GFRA2: variants seen among roughly 807,000 people sequenced by gnomAD.
GFRA2 encodes GDNF family receptor alpha 2.
GFRA2 carries 17 observed loss-of-function variants against 48.3 expected under a neutral mutation model. The ratio of observed to expected loss-of-function variants is 0.35; its 90% confidence interval spans 0.24 to 0.53. GFRA2 has a LOEUF of 0.53. Among genes scored for constraint, GFRA2 ranks in the 20% least tolerant of loss-of-function variants. GFRA2 has a pLI of 0.93. For synonymous variants in GFRA2, 305 were observed against 257.2 expected (o/e 1.19, Z -1.78); for missense variants, 660 against 637.3 (o/e 1.04, Z -0.38).
chr8:21,774,193 C>T (rs1806576888), intron 3 of GFRA2, among the ~76,000 whole-genome samples: 1 of 151,848 alleles, frequency 6.6e-6, no homozygotes, highest in Non-Finnish European at 1.5e-5. Flanking sequence ...ACCCCCTCCC[C>T]AGTGCCCAGG....
At chr8:21,784,610 C>G (rs1807178485) in intron 1 of GFRA2, among the ~76,000 whole-genome samples, 1 of 152,146 alleles carries the variant, frequency 6.6e-6, no homozygotes, top group African/African-American at 2.4e-5. Flanking sequence ...GTGGGACCAG[C>G]CAGGAGACCC....
At chr8:21,718,881 G>A (rs762808242) in intron 4 of GFRA2, among the ~76,000 whole-genome samples, 3 of 152,030 alleles carry the variant, frequency 2.0e-5, no homozygotes, top group African/African-American at 7.3e-5. Flanking sequence ...CCCTTCTGCC[G>A]TGCTCTCCCC....
intron 4 of GFRA2, among the ~76,000 whole-genome samples, chr8:21,734,943 T>G (rs1271938669): frequency 6.6e-6 from 1 of 152,248 alleles, no homozygotes; most frequent in Non-Finnish European, 1.5e-5. Context: ...CTCTGCTCAC[T>G]GAGAACAGAA....
chr8:21,727,772 C>T (rs994039146), intron 4 of GFRA2, among the ~76,000 whole-genome samples: 4 of 152,318 alleles, frequency 2.6e-5, no homozygotes, highest in Non-Finnish European at 5.9e-5. Flanking sequence ...CTTACCACCG[C>T]GGTCTCTCCG....
intron 4 of GFRA2, among the ~76,000 whole-genome samples, chr8:21,718,178 G>T (rs113923219): frequency 0.053 from 8,092 of 152,212 alleles, 647 homozygotes; most frequent in African/African-American, 0.18. Context: ...AATCATGGAG[G>T]CAGGTCTTTC....
chr8:21,807,458 G>GT (rs1365319298), intron 1 of GFRA2, among the ~76,000 whole-genome samples: 1 of 152,190 alleles, frequency 6.6e-6, no homozygotes, highest in Admixed American at 6.5e-5. Context: ...GCGGTATTCT[G>GT]TTATAGCAGC....
chr8:21,720,973 G>A (rs1174069774), intron 4 of GFRA2, among the ~76,000 whole-genome samples: 1 of 150,400 alleles, frequency 6.6e-6, no homozygotes, highest in Non-Finnish European at 1.5e-5. Context: ...CCACCGGATG[G>A]AGGGAGGAAG....
chr8:21,731,651 G>A (rs962728782), intron 4 of GFRA2, among the ~76,000 whole-genome samples: 11 of 152,042 alleles, frequency 7.2e-5, no homozygotes, highest in African/African-American at 2.4e-4. Context: ...AAAGTCTAAC[G>A]GCTCCTCGTG....
At chr8:21,763,936 A>C (rs1346722940) in intron 3 of GFRA2, among the ~76,000 whole-genome samples, 2 of 145,782 alleles carry the variant, frequency 1.4e-5, no homozygotes. Flanking sequence ...CTGAGCAGCC[A>C]AAGGTCACTA....
In GFRA2 at chr8:21,788,583, G is replaced by A. The variant is rs1363441277; in HGVS notation, c.-424C>T. ...TGCGAGTGAAGGGCTGGAAGGAAGC[G>A]GCGAGGGAGGGGGTCGGAATAAAAT... On this transcript the variant is annotated 5_prime_UTR_variant, in exon 1 of 9. Coordinates refer to ENST00000524240, the MANE Select transcript of GFRA2 (RefSeq NM_001495.5). 1 of 1,000,290 alleles carries A rather than the reference G, an allele frequency of 1.0e-6. No homozygotes were observed. Among genetic ancestry groups the A allele is most frequent in the African/African-American group, 1.7e-5 (1 of 58,098 alleles). 62.0% of individuals were successfully genotyped at this position (1,000,290 alleles called of 1,614,324 possible).
chr8:21,806,935 G>A (rs1015152618), intron 1 of GFRA2, among the ~76,000 whole-genome samples: 1 of 152,064 alleles, frequency 6.6e-6, no homozygotes, highest in Non-Finnish European at 1.5e-5. Context: ...CTATCTCAAA[G>A]GCAGCTACAA....
chr8:21,694,055 T>TA (rs1802021821), intron 8 of GFRA2, among the ~76,000 whole-genome samples: 2 of 77,466 alleles, frequency 2.6e-5, no homozygotes, highest in African/African-American at 4.8e-5. Flanking sequence ...ATATATATAT[T>TA]TATATATATA....
chr8:21,724,322 C>T (rs899058754), intron 4 of GFRA2, among the ~76,000 whole-genome samples: 3 of 152,114 alleles, frequency 2.0e-5, no homozygotes, highest in Non-Finnish European at 4.4e-5. Context: ...TTCATCCAGA[C>T]ATTGCTGGGG....
chr8:21,692,289 T>C lies in GFRA2; in HGVS notation c.*989A>G, dbSNP rs1801912841. The C allele has an allele frequency of 6.6e-6, 1 of 151,648 alleles. No individual in the cohort carries two copies. Among genetic ancestry groups the C allele is most frequent in the Admixed American group, 6.6e-5 (1 of 15,194 alleles). 9.4% of individuals were successfully genotyped at this position (151,648 alleles called of 1,614,324 possible). A position where few individuals can be genotyped will look rare whatever the true frequency, so the allele number is the denominator to read the frequency against. ...GTATATGGATGTGTATATACATATATGTTAGGAGAGGAGCCCCGGTATGTA... is the reference window on the plus strand; with the variant it reads ...GTATATGGATGTGTATATACATATACGTTAGGAGAGGAGCCCCGGTATGTA... On this transcript the variant is annotated 3_prime_UTR_variant, in exon 9 of 9. Coordinates refer to ENST00000524240, the MANE Select transcript of GFRA2 (RefSeq NM_001495.5).
chr8:21,746,606 T>C (rs1473923219), intron 4 of GFRA2, among the ~76,000 whole-genome samples: 3 of 152,074 alleles, frequency 2.0e-5, no homozygotes, highest in African/African-American at 7.2e-5. Flanking sequence ...TGTTTAAATT[T>C]ATTTCCCAGT....
At chr8:21,727,400 C>T (rs937324997) in intron 4 of GFRA2, among the ~76,000 whole-genome samples, 3 of 152,126 alleles carry the variant, frequency 2.0e-5, no homozygotes, top group African/African-American at 4.8e-5. Flanking sequence ...CAAGTGCAGT[C>T]CCCAGGCCTT....
intron 4 of GFRA2, among the ~76,000 whole-genome samples, chr8:21,736,975 C>T (rs1473775052): frequency 6.6e-6 from 1 of 151,446 alleles, no homozygotes; most frequent in East Asian, 1.9e-4. Context: ...ATCATCTATT[C>T]CTTTCACCTG....
At chr8:21,716,027 G>T (rs1196818559) in intron 4 of GFRA2, among the ~76,000 whole-genome samples, 1 of 152,062 alleles carries the variant, frequency 6.6e-6, no homozygotes, top group East Asian at 1.9e-4. Flanking sequence ...CTGTCACTTG[G>T]AACAGAAACA....
At chr8:21,721,355 T>C (rs1803584047) in intron 4 of GFRA2, among the ~76,000 whole-genome samples, 1 of 152,120 alleles carries the variant, frequency 6.6e-6, no homozygotes, top group Non-Finnish European at 1.5e-5. Context: ...GAGGCCCCAG[T>C]GGCCTGCGAG....
Sources: gnomAD v4.1 joint callset for allele counts (sites outside exome capture counted in the v4.1 genomes callset) on GRCh38, gnomAD v4.1.1 for gene constraint, MANE v1.5 for transcripts, NCBI Gene and HGNC (gene_info 2026-07-23, HGNC 2026-07-21) for gene names.